ASPRV1: variants seen among roughly 807,000 people sequenced by gnomAD.
The protein encoded by ASPRV1 is retroviral-like aspartic protease 1.
ASPRV1 carries 7 observed loss-of-function variants against 11.0 expected under a neutral mutation model. That is an observed-to-expected ratio of 0.64 (90% CI 0.36 to 1.20). The LOEUF (loss-of-function observed/expected upper bound fraction) is 1.20, where lower values mean the gene tolerates loss of function less well. ASPRV1 is among the 50% of genes most tolerant of loss of function. The probability of loss-of-function intolerance (pLI) is 0.02; values close to 1 mark genes in which losing one functional copy is unlikely to be tolerated. For missense variants in ASPRV1, 299 were observed against 320.0 expected, an observed-to-expected ratio of 0.93 and a Z score of 0.50; for synonymous variants, 136 against 138.4, an observed-to-expected ratio of 0.98 and a Z score of 0.12.
chr2:69,951,473 GTGTGTGTGTGTA>G, the ASPRV1 span, among the ~76,000 whole-genome samples: 17,464 of 130,816 alleles, frequency 0.13, 1,443 homozygotes, highest in African/African-American at 0.24. Flanking sequence ...GTGTGTGTGT[GTGTGTGTGTGTA>G]TATCTATATG....
chr2:70,021,237 T>C, the ASPRV1 span, among the ~76,000 whole-genome samples: 1 of 152,218 alleles, frequency 6.6e-6, no homozygotes. Context: ...AGGATTTCCT[T>C]CTTTTTTAAA....
At chr2:70,074,549 T>C in the ASPRV1 span, among the ~76,000 whole-genome samples, 1 of 151,664 alleles carries the variant, frequency 6.6e-6, no homozygotes, top group Non-Finnish European at 1.5e-5. Context: ...GTACTGGGAT[T>C]ACAGGCATGA....
chr2:69,956,529 AAGG>A (rs1374993507), downstream of ASPRV1, among the ~76,000 whole-genome samples: 30 of 146,406 alleles, frequency 2.0e-4, no homozygotes, highest in African/African-American at 6.5e-4. Context: ...GGAGGAGGAG[AAGG>A]AGGAGGAGGA....
At chr2:70,008,637 G>T in the ASPRV1 span, among the ~76,000 whole-genome samples, 3 of 143,268 alleles carry the variant, frequency 2.1e-5, no homozygotes, top group Middle Eastern at 3.6e-3. Context: ...GTTTTTGTGT[G>T]TTTTTTTTTT....
the ASPRV1 span, among the ~76,000 whole-genome samples, chr2:69,982,608 C>G: frequency 2.0e-5 from 3 of 152,150 alleles, no homozygotes; most frequent in African/African-American, 7.2e-5. Flanking sequence ...TTGGCGGCAA[C>G]TGGTGCCTCA....
the ASPRV1 span, among the ~76,000 whole-genome samples, chr2:70,085,057 C>G: frequency 6.6e-6 from 1 of 152,176 alleles, no homozygotes; most frequent in South Asian, 2.1e-4. Flanking sequence ...CTGAAGAGTC[C>G]ACAGACTGAC....
the ASPRV1 span, among the ~76,000 whole-genome samples, chr2:70,012,809 C>T: frequency 7.2e-5 from 11 of 152,152 alleles, no homozygotes; most frequent in African/African-American, 2.7e-4. Context: ...TGACTACTTG[C>T]TTTTTCATAG....
At chr2:70,067,547 G>A in the ASPRV1 span, among the ~76,000 whole-genome samples, 2 of 152,144 alleles carry the variant, frequency 1.3e-5, no homozygotes, top group African/African-American at 2.4e-5. Context: ...ATACTATCCA[G>A]CACCAAAAAG....
chr2:70,078,994 T>C, the ASPRV1 span, among the ~76,000 whole-genome samples: 117 of 152,238 alleles, frequency 7.7e-4, 2 homozygotes, highest in South Asian at 0.022. Flanking sequence ...TGCTGGTGGA[T>C]TGGATGAAGA....
chr2:70,015,261 G>T, the ASPRV1 span, among the ~76,000 whole-genome samples: 1 of 152,160 alleles, frequency 6.6e-6, no homozygotes, highest in South Asian at 2.1e-4. Context: ...ACTTAAAACA[G>T]ACTAAGTAAA....
At chr2:69,981,685 T>G in the ASPRV1 span, among the ~76,000 whole-genome samples, 1 of 152,152 alleles carries the variant, frequency 6.6e-6, no homozygotes, top group Non-Finnish European at 1.5e-5. Context: ...GCCTCCTGGG[T>G]AGCTGGGTTT....
chr2:70,042,977 A>G, the ASPRV1 span, among the ~76,000 whole-genome samples: 3 of 152,314 alleles, frequency 2.0e-5, no homozygotes, highest in South Asian at 6.2e-4. Context: ...GGCATCTATA[A>G]ACCCAATTGT....
At chr2:69,941,152 T>C in the ASPRV1 span, 1 of 150,170 alleles carries the variant, frequency 6.7e-6, no homozygotes, top group Non-Finnish European at 1.5e-5. Flanking sequence ...TTTAAAAAAC[T>C]AAAAAAATCT....
the ASPRV1 span, among the ~76,000 whole-genome samples, chr2:70,014,796 CAAAAAAAAAAAAAAA>C: frequency 4.1e-5 from 3 of 74,050 alleles, no homozygotes; most frequent in East Asian, 1.1e-3. Context: ...GACCTTGTCT[CAAAAAAAAAAAAAAA>C]AAAAAAAGAA....
chr2:70,082,199 G>A, the ASPRV1 span, among the ~76,000 whole-genome samples: 1 of 151,876 alleles, frequency 6.6e-6, no homozygotes. Flanking sequence ...TGGTCAGGCT[G>A]GTCTCGAACT....
At chr2:69,955,557 G>A (rs911841553), downstream of ASPRV1, among the ~76,000 whole-genome samples, 11 of 152,164 alleles carry the variant, frequency 7.2e-5, no homozygotes, top group East Asian at 1.9e-4. Context: ...AACTTTCTGG[G>A]TATTTTAGAA....
At chr2:69,971,357 T>C in the ASPRV1 span, 2 of 152,060 alleles carry the variant, frequency 1.3e-5, no homozygotes, top group Admixed American at 6.6e-5. Context: ...AAAACTAATC[T>C]CCCAACCCAC....
chr2:69,961,808 C>T (rs1331681057), upstream of ASPRV1: 4 of 1,167,578 alleles, frequency 3.4e-6, no homozygotes, highest in African/African-American at 6.2e-5. Context: ...CCAGCCAGCC[C>T]ACATCCCAAG....
the ASPRV1 span, chr2:70,086,523 C>T: frequency 5.9e-5 from 9 of 152,250 alleles, no homozygotes; most frequent in Admixed American, 5.2e-4. Flanking sequence ...GGCCGCCCCC[C>T]TTGAGCCTGG....
Sources: allele counts gnomAD v4.1 joint callset (sites outside exome capture counted in the v4.1 genomes callset), GRCh38; gene constraint gnomAD v4.1.1; transcripts MANE v1.5; gene names NCBI Gene and HGNC (gene_info 2026-07-23, HGNC 2026-07-21).